The following TSHZ2 variants were observed in gnomAD, a reference collection of about 807,000 sequenced individuals.
The protein encoded by TSHZ2 is teashirt homolog 2.
TSHZ2 carries 21 observed loss-of-function variants against 74.4 expected under a neutral mutation model. The ratio of observed to expected loss-of-function variants is 0.28; its 90% confidence interval spans 0.20 to 0.41. The LOEUF is 0.41. Among genes scored for constraint, TSHZ2 ranks in the 10% least tolerant of loss-of-function variants. The probability of loss-of-function intolerance (pLI) is 1.00; values close to 1 mark genes in which losing one functional copy is unlikely to be tolerated. For synonymous variants in TSHZ2, 540 were observed against 515.3 expected (o/e 1.05, Z -0.65); for missense variants, 1,244 against 1,293.5 (o/e 0.96, Z 0.59).
chr20:53,272,652 T>C (rs1416435388), intron 2 of TSHZ2, among the ~76,000 whole-genome samples: 1 of 152,160 alleles, frequency 6.6e-6, no homozygotes, highest in East Asian at 1.9e-4. Flanking sequence ...TGCAAATGAA[T>C]CTTCAGGCTT....
intron 2 of TSHZ2, among the ~76,000 whole-genome samples, chr20:53,292,474 G>T (rs1043720593): frequency 6.8e-6 from 1 of 147,900 alleles, no homozygotes; most frequent in African/African-American, 2.6e-5. Context: ...TTGAGACAGG[G>T]TCTTGCTCTG....
intron 1 of TSHZ2, among the ~76,000 whole-genome samples, chr20:53,076,380 C>G (rs1985363887): frequency 6.6e-6 from 1 of 152,214 alleles, no homozygotes; most frequent in Non-Finnish European, 1.5e-5. Flanking sequence ...TTCATTCATT[C>G]ATTTGTTCAA....
intron 2 of TSHZ2, among the ~76,000 whole-genome samples, chr20:53,313,764 G>A (rs899117880): frequency 6.6e-6 from 1 of 152,150 alleles, no homozygotes; most frequent in Non-Finnish European, 1.5e-5. Context: ...AGAAGTGAGA[G>A]AATTAAACAC....
rs1214509138 is a variant in TSHZ2 at position 53,050,197 on chromosome 20, ATATG to A, written c.40+76872_40+76875del. ...TATACACATATATATGTATATATAT[ATATG>A]TATGTATATATATGAATGTTTATAT... On this transcript the variant is annotated intron_variant, in intron 1 of 2. Transcript: ENST00000371497. Among the ~76,000 whole-genome samples, 8 of 146,656 alleles carry A rather than the reference ATATG, an allele frequency of 5.5e-5. No homozygotes were observed. In the East Asian group the frequency reaches 1.6e-3, roughly 29 times the overall value.
chr20:53,235,143 G>T (rs1347705385), intron 1 of TSHZ2, among the ~76,000 whole-genome samples: 1 of 134,092 alleles, frequency 7.5e-6, no homozygotes, highest in Non-Finnish European at 1.6e-5. Flanking sequence ...GGGGCGGGGG[G>T]GGGGGAATGG....
chr20:53,228,913 C>T (rs530914132), intron 1 of TSHZ2, among the ~76,000 whole-genome samples: 63 of 152,316 alleles, frequency 4.1e-4, no homozygotes, highest in Non-Finnish European at 7.6e-4. Context: ...AGAAGGGTCC[C>T]TTTATGTCTC....
At chr20:53,402,513 A>G (rs1305928118) in intron 2 of TSHZ2, among the ~76,000 whole-genome samples, 1 of 152,222 alleles carries the variant, frequency 6.6e-6, no homozygotes, top group Non-Finnish European at 1.5e-5. Flanking sequence ...GATGTTCTCA[A>G]AATAATGAAA....
chr20:53,084,708 TCTC>T (rs1985644504), intron 1 of TSHZ2, among the ~76,000 whole-genome samples: 2 of 118,028 alleles, frequency 1.7e-5, no homozygotes, highest in South Asian at 3.4e-4. Flanking sequence ...CCTCTCTCCC[TCTC>T]TCCTTCCCTC....
chr20:53,450,340 T>G (rs1434347327), intron 2 of TSHZ2, among the ~76,000 whole-genome samples: 1 of 152,250 alleles, frequency 6.6e-6, no homozygotes, highest in Non-Finnish European at 1.5e-5. Context: ...GCATTTTGAT[T>G]GCTTTGGCAA....
intron 1 of TSHZ2, among the ~76,000 whole-genome samples, chr20:53,098,676 G>A (rs1314134246): frequency 6.6e-6 from 1 of 152,154 alleles, no homozygotes; most frequent in Non-Finnish European, 1.5e-5. Context: ...AATTCAGGGG[G>A]GAATTTCCCT....
chr20:53,009,011 CT>C (rs1052912264), intron 1 of TSHZ2, among the ~76,000 whole-genome samples: 1 of 133,148 alleles, frequency 7.5e-6, no homozygotes, highest in African/African-American at 3.2e-5. Context: ...CTCTCTCTCT[CT>C]CTCTCTCTCT....
At chr20:53,091,795 A>C (rs1159127364) in intron 1 of TSHZ2, among the ~76,000 whole-genome samples, 12 of 152,190 alleles carry the variant, frequency 7.9e-5, no homozygotes, top group Admixed American at 7.9e-4. Flanking sequence ...TAATCCCAGT[A>C]CTTTGGGAGG....
intron 1 of TSHZ2, among the ~76,000 whole-genome samples, chr20:53,137,430 C>T (rs575352737): frequency 1.3e-5 from 2 of 151,744 alleles, no homozygotes; most frequent in Admixed American, 1.3e-4. Flanking sequence ...TTGAAGAGCT[C>T]AAGATTCCAG....
intron 1 of TSHZ2, among the ~76,000 whole-genome samples, chr20:52,991,338 G>A (rs112912990): frequency 4.5e-5 from 6 of 133,352 alleles, no homozygotes; most frequent in African/African-American, 1.4e-4. Context: ...GGGGGAGAGA[G>A]TGTGAAAGCT....
intron 2 of TSHZ2, among the ~76,000 whole-genome samples, chr20:53,271,812 T>C (rs1205425129): frequency 6.6e-6 from 1 of 152,132 alleles, no homozygotes; most frequent in Non-Finnish European, 1.5e-5. Context: ...AGCCCAGTTT[T>C]GGGGAGCAGA....
chr20:53,313,285 A>G (rs1322275234), intron 2 of TSHZ2, among the ~76,000 whole-genome samples: 1 of 152,228 alleles, frequency 6.6e-6, no homozygotes, highest in Non-Finnish European at 1.5e-5. Context: ...CAAATCATAC[A>G]TTTATTTTAG....
At chr20:53,351,421 G>A (rs754947949) in intron 2 of TSHZ2, among the ~76,000 whole-genome samples, 1 of 152,038 alleles carries the variant, frequency 6.6e-6, no homozygotes, top group Non-Finnish European at 1.5e-5. Context: ...AAAATATGAA[G>A]AAAATAAAGA....
At chr20:53,002,343 A>G (rs1982472339) in intron 1 of TSHZ2, among the ~76,000 whole-genome samples, 1 of 152,226 alleles carries the variant, frequency 6.6e-6, no homozygotes, top group Admixed American at 6.5e-5. Context: ...AGTAAATTTC[A>G]TACTTTGTGG....
intron 1 of TSHZ2, among the ~76,000 whole-genome samples, chr20:53,214,240 A>C (rs1989382252): frequency 6.6e-6 from 1 of 152,210 alleles, no homozygotes; most frequent in Non-Finnish European, 1.5e-5. Context: ...CTGATCTCTT[A>C]GAGTTTATGT....
Sources: allele counts gnomAD v4.1 joint callset (sites outside exome capture counted in the v4.1 genomes callset), GRCh38; gene constraint gnomAD v4.1.1; transcripts MANE v1.5; gene names NCBI Gene and HGNC (gene_info 2026-07-23, HGNC 2026-07-21).